Variants in AP2B1 observed in about 807,000 individuals in gnomAD.
The protein encoded by AP2B1 is adaptor related protein complex 2 subunit beta 1.
A neutral mutation model predicts 102.0 loss-of-function variants in AP2B1; 23 were observed. The ratio of observed to expected loss-of-function variants is 0.23; its 90% CI spans 0.16 to 0.32. AP2B1 has a LOEUF of 0.32. Among genes scored for constraint, AP2B1 ranks in the 10% least tolerant of loss-of-function variants. The pLI is 1.00. For synonymous variants in AP2B1, 381 were observed against 421.2 expected (o/e 0.90, Z 1.17); for missense variants, 541 against 1,157.4 (o/e 0.47, Z 7.73).
chr17:35,684,345 C>T (rs1567980078), intron 18 of AP2B1, among the ~76,000 whole-genome samples: 2 of 152,196 alleles, frequency 1.3e-5, no homozygotes, highest in South Asian at 4.1e-4. Flanking sequence ...GTCAGCTTTC[C>T]TCTTTCCAGT....
At chr17:35,718,508 T>A (rs1440973921) in intron 21 of AP2B1, among the ~76,000 whole-genome samples, 1 of 152,150 alleles carries the variant, frequency 6.6e-6, no homozygotes, top group Non-Finnish European at 1.5e-5. Flanking sequence ...TCATTTATCT[T>A]GAGTTTCCCA....
intron 17 of AP2B1, among the ~76,000 whole-genome samples, chr17:35,679,431 G>A (rs1005390966): frequency 2.0e-5 from 3 of 147,550 alleles, no homozygotes; most frequent in Non-Finnish European, 4.5e-5. Flanking sequence ...TGCTGCTCCT[G>A]TTTGATCTTG....
chr17:35,684,831 G>A (rs1367249856), intron 18 of AP2B1, among the ~76,000 whole-genome samples: 1 of 152,140 alleles, frequency 6.6e-6, no homozygotes, highest in Non-Finnish European at 1.5e-5. Flanking sequence ...TACCTCATAA[G>A]TAGGAAAGAG....
Position 35,724,888 on chromosome 17 carries a change from CTT to C in AP2B1, c.*1192_*1193del, listed in dbSNP as rs2099876561. The C allele has an allele frequency of 6.6e-6, 1 of 152,166 alleles. No individual in the cohort carries two copies. The highest frequency in any genetic ancestry group is 2.4e-5 in the African/African-American group (1 of 41,426). 9.4% of individuals were successfully genotyped at this position (152,166 alleles called of 1,614,324 possible). A position where few individuals can be genotyped will look rare whatever the true frequency, so the allele number is the denominator to read the frequency against. On this transcript the variant is annotated 3_prime_UTR_variant, in exon 22 of 22. Coordinates refer to ENST00000610402, the MANE Select transcript of AP2B1 (RefSeq NM_001030006.2). ...TTGGCATCAGGTGGCAGCTGAATATCTTTTGAATTACTCGAAGGTAAAGCCAG... is the reference window on the plus strand; with the variant it reads ...TTGGCATCAGGTGGCAGCTGAATATCTTGAATTACTCGAAGGTAAAGCCAG...
chr17:35,677,737 G>A (rs1048042677), intron 17 of AP2B1, among the ~76,000 whole-genome samples: 4 of 151,996 alleles, frequency 2.6e-5, no homozygotes, highest in Non-Finnish European at 5.9e-5. Context: ...TAATCCATTA[G>A]CATAGTATAT....
At chr17:35,694,411 CTT>C (rs11463088) in intron 18 of AP2B1, among the ~76,000 whole-genome samples, 1 of 9,204 alleles carries the variant, frequency 1.1e-4, no homozygotes, top group Non-Finnish European at 1.9e-4. Context: ...ACCTAGCTGA[CTT>C]TTTTTTTTTT....
chr17:35,629,756 G>T (rs989887115), intron 9 of AP2B1, among the ~76,000 whole-genome samples: 1 of 152,142 alleles, frequency 6.6e-6, no homozygotes, highest in South Asian at 2.1e-4. Context: ...AGGGAAGGGG[G>T]TTTATCTTTA....
intron 14 of AP2B1, among the ~76,000 whole-genome samples, chr17:35,664,246 G>A (rs1261308795): frequency 3.9e-5 from 6 of 152,034 alleles, no homozygotes; most frequent in Non-Finnish European, 7.4e-5. Flanking sequence ...GACCCGGCTG[G>A]GAGATGTTTG....
chr17:35,688,118 C>T (rs1052881725), intron 18 of AP2B1, among the ~76,000 whole-genome samples: 16 of 152,190 alleles, frequency 1.1e-4, no homozygotes, highest in African/African-American at 3.9e-4. Flanking sequence ...CATCTTAACC[C>T]TGGAGATTCA....
rs782240837 is a variant in AP2B1, at chr17:35,717,226, T to G, written c.2658T>G (p.Asn886Lys). The change falls in exon 21 of 22, where the codon AAT becomes AAG. Residue 886 changes from asparagine (N) to lysine (K), a missense_variant. This residue lies in a region of AP2B1 where 117 missense variants were observed against 206.7 expected (regional missense o/e 0.57). Coordinates refer to ENST00000610402, the MANE Select transcript of AP2B1 (RefSeq NM_001030006.2). ...TTTCCAGCAAGTTGCAAAACAACAATGTTTATACTATTGCCAAGAGGAATG... is the reference window on the plus strand; with the variant it reads ...TTTCCAGCAAGTTGCAAAACAACAAGGTTTATACTATTGCCAAGAGGAATG... ...DTVSSKLQNN[N>K]VYTIAKRNVE... 25 of 1,614,062 alleles carry G rather than the reference T, an allele frequency of 1.5e-5. No individual in the cohort carries two copies. Among genetic ancestry groups the G allele is most frequent in the Non-Finnish European group, 2.1e-5 (25 of 1,179,950 alleles).
chr17:35,605,562 AATTC>A (rs2073646597), intron 3 of AP2B1, 139 bp from the exon 4 acceptor site: 5 of 681,562 alleles, frequency 7.3e-6, no homozygotes, highest in Non-Finnish European at 5.0e-6. Flanking sequence ...TTTCTTTAGT[AATTC>A]ATTTCTGTGA....
chr17:35,651,574 A>G (rs1340269051), intron 13 of AP2B1, among the ~76,000 whole-genome samples: 1 of 152,132 alleles, frequency 6.6e-6, no homozygotes, highest in Non-Finnish European at 1.5e-5. Flanking sequence ...TCTATTAATG[A>G]GTGTCTTGTA....
At chr17:35,606,951 GC>G (rs1202230181) in intron 4 of AP2B1, among the ~76,000 whole-genome samples, 1 of 151,060 alleles carries the variant, frequency 6.6e-6, no homozygotes, top group African/African-American at 2.4e-5. Flanking sequence ...TGTTGCCCGG[GC>G]TGGAGTGCAA....
chr17:35,719,136 A>G (rs1555591568), intron 21 of AP2B1, among the ~76,000 whole-genome samples: 2 of 152,178 alleles, frequency 1.3e-5, no homozygotes. Flanking sequence ...AGTTTTCCCC[A>G]TTAATAATAA....
intron 20 of AP2B1, among the ~76,000 whole-genome samples, chr17:35,711,661 C>T (rs928071246): frequency 2.4e-4 from 36 of 152,270 alleles, no homozygotes; most frequent in African/African-American, 7.9e-4. Context: ...TTAATAGAGA[C>T]GGGGTTTCAC....
intron 13 of AP2B1, among the ~76,000 whole-genome samples, chr17:35,655,718 A>G (rs527866618): frequency 5.9e-5 from 9 of 152,256 alleles, no homozygotes; most frequent in African/African-American, 1.9e-4. Context: ...GACACTGCCA[A>G]TTTTCCAAAG....
intron 18 of AP2B1, among the ~76,000 whole-genome samples, chr17:35,684,816 T>C (rs1283526593): frequency 6.6e-6 from 1 of 152,156 alleles, no homozygotes; most frequent in African/African-American, 2.4e-5. Flanking sequence ...CACGCAAGAA[T>C]GCTTTACCTC....
intron 12 of AP2B1, among the ~76,000 whole-genome samples, chr17:35,646,180 A>G (rs1161164684): frequency 2.6e-5 from 4 of 152,234 alleles, no homozygotes; most frequent in Non-Finnish European, 5.9e-5. Context: ...AGGAAGGCCT[A>G]TGGGTCTAGC....
Position 35,605,325 on chromosome 17 carries a change from C to T in AP2B1, c.144-380C>T, listed in dbSNP as rs377650616. Among the ~76,000 whole-genome samples, 47 of 151,782 alleles carry T rather than the reference C, an allele frequency of 3.1e-4. No homozygotes were observed. The East Asian group carries it at 7.0e-3, about 22-fold the overall frequency. On this transcript the variant is annotated intron_variant, in intron 3 of 21. Transcript: ENST00000610402. Reference sequence around the variant, plus strand: ...GTGCAATGGTGTGATCTCAGCTCACCGCAAACTCTGCCTCCCAGGTTCAAA... The same window carrying T: ...GTGCAATGGTGTGATCTCAGCTCACTGCAAACTCTGCCTCCCAGGTTCAAA...
Sources: allele counts gnomAD v4.1 joint callset (sites outside exome capture counted in the v4.1 genomes callset), GRCh38; gene constraint gnomAD v4.1.1; regional missense constraint gnomAD v4.1.1; transcripts MANE v1.5; gene names NCBI Gene and HGNC (gene_info 2026-07-23, HGNC 2026-07-21).